The following BRCA1 variants were observed in gnomAD, a reference collection of about 807,000 sequenced individuals.
BRCA1 encodes breast cancer type 1 susceptibility protein.
A neutral mutation model predicts 173.7 loss-of-function variants in BRCA1; 140 were observed. The observed-to-expected ratio is 0.81, with a 90% CI of 0.70 to 0.93. The LOEUF is 0.93. Among genes scored for constraint, BRCA1 ranks in the 40% least tolerant of loss-of-function variants. The pLI is 0.00. For synonymous variants in BRCA1, 662 were observed against 756.0 expected (o/e 0.88, Z 2.04); for missense variants, 1,983 against 2,172.5 (o/e 0.91, Z 1.73).
chr17:43,067,231 C>G (rs2052123564), intron 16 of BRCA1: 1 of 246,120 alleles, frequency 4.1e-6, no homozygotes. Flanking sequence ...ATGCTATGCT[C>G]AACAAATATT....
intron 16 of BRCA1, among the ~76,000 whole-genome samples, chr17:43,066,235 T>C (rs1342768750): frequency 6.6e-6 from 1 of 152,204 alleles, no homozygotes. Context: ...CAAGTTATAA[T>C]TAAAACCTTA....
Position 43,100,597 on chromosome 17 carries a change from A to T in BRCA1, c.442-717T>A, listed in dbSNP as rs867314671. ...AACATATATATAACATATATATATTATATATATATAACATATATATAACAT... is the reference window on the plus strand; with the variant it reads ...AACATATATATAACATATATATATTTTATATATATAACATATATATAACAT... On this transcript the variant is annotated intron_variant, in intron 6 of 22. Coordinates refer to ENST00000357654, the MANE Select transcript of BRCA1 (RefSeq NM_007294.4). Among the ~76,000 whole-genome samples, 9 of 80,196 alleles carry T rather than the reference A, an allele frequency of 1.1e-4. 1 individual carries two copies. Among genetic ancestry groups the T allele is most frequent in the South Asian group, 4.0e-4 (1 of 2,524 alleles). 52.6% of individuals were successfully genotyped at this position (80,196 alleles called of 152,430 possible).
At chr17:43,107,615 C>T (rs2054854562) in intron 3 of BRCA1, among the ~76,000 whole-genome samples, 1 of 152,100 alleles carries the variant, frequency 6.6e-6, no homozygotes, top group South Asian at 2.1e-4. Context: ...GATCCATCTG[C>T]CTTGGCCTTC....
intron 1 of BRCA1, among the ~76,000 whole-genome samples, chr17:43,130,839 T>C (rs2055959018): frequency 6.6e-6 from 1 of 152,222 alleles, no homozygotes; most frequent in Non-Finnish European, 1.5e-5. Context: ...TTTTTTGTGC[T>C]CACACACATA....
intron 16 of BRCA1, among the ~76,000 whole-genome samples, chr17:43,064,305 G>A (rs977018310): frequency 6.6e-6 from 1 of 152,164 alleles, no homozygotes; most frequent in African/African-American, 2.4e-5. Context: ...AATGTGGACG[G>A]AGAACATCTA....
At chr17:43,103,973 G>T (rs2054600484) in intron 6 of BRCA1, 149 bp downstream of exon 6, 7 of 973,982 alleles carry the variant, frequency 7.2e-6, no homozygotes, top group Admixed American at 7.0e-5. Flanking sequence ...CTGGCATGGT[G>T]GCGCGTGCCT....
intron 15 of BRCA1, among the ~76,000 whole-genome samples, chr17:43,068,259 A>C (rs2052235579): frequency 1.3e-5 from 2 of 151,282 alleles, no homozygotes; most frequent in Admixed American, 6.6e-5. Flanking sequence ...CCTGGGCGAG[A>C]GTGCGAGACT....
chr17:43,091,188 A>G, intron 10 of BRCA1, 156 bp from the exon 11 acceptor site: 1 of 912,880 alleles, frequency 1.1e-6, no homozygotes, highest in Non-Finnish European at 1.7e-6. Flanking sequence ...TTGCTTTTAT[A>G]AAATGAAACC....
At chr17:43,099,679 C>T in intron 7 of BRCA1, 96 bp downstream of exon 7, 2 of 1,046,084 alleles carry the variant, frequency 1.9e-6, no homozygotes, top group Non-Finnish European at 3.0e-6. Flanking sequence ...AAGCTGCCTA[C>T]CACAAATACA....
chr17:43,120,100 T>C (rs1183161928), intron 2 of BRCA1, among the ~76,000 whole-genome samples: 3 of 152,208 alleles, frequency 2.0e-5, no homozygotes, highest in Non-Finnish European at 4.4e-5. Flanking sequence ...GATAAGTGAC[T>C]GGAAAAAGCA....
At chr17:43,082,700 T>C in intron 11 of BRCA1, 125 bp from the exon 12 acceptor site, 3 of 1,032,736 alleles carry the variant, frequency 2.9e-6, no homozygotes, top group Non-Finnish European at 2.9e-6. Context: ...GAACTACAAG[T>C]TCTAGCTGAA....
intron 7 of BRCA1, 24 bp downstream of exon 7, chr17:43,099,751 A>G: frequency 6.5e-7 from 1 of 1,549,064 alleles, no homozygotes; most frequent in Non-Finnish European, 8.9e-7. Flanking sequence ...ATTATTAAAT[A>G]CTTAAAAAAC....
intron 1 of BRCA1, chr17:43,164,767 T>G (rs947895610): frequency 7.2e-5 from 11 of 152,200 alleles, no homozygotes; most frequent in African/African-American, 2.7e-4. Flanking sequence ...TTTCCACCTT[T>G]CGATGAGAAT....
rs569685440 is a variant in BRCA1, at chr17:43,135,009, A to G, written c.-19-10894T>C. 3.3e-5 allele frequency among the ~76,000 whole-genome samples: 5 copies of G among 152,244 alleles called. No individual in the cohort carries two copies. The East Asian group carries it at 9.7e-4, about 29-fold the overall frequency. On this transcript the variant is annotated intron_variant, in intron 1 of 7. Coordinates refer to the BRCA1 transcript ENST00000634433. ...ATTGGCCCCAATTCCTCAGCCCTACATGCACCCACCCCTTGCCATGGTTTC... is the reference window on the plus strand; with the variant it reads ...ATTGGCCCCAATTCCTCAGCCCTACGTGCACCCACCCCTTGCCATGGTTTC...
intron 19 of BRCA1, among the ~76,000 whole-genome samples, chr17:43,055,694 G>A (rs1468706175): frequency 6.6e-6 from 1 of 152,198 alleles, no homozygotes; most frequent in Non-Finnish European, 1.5e-5. Flanking sequence ...GCTAAGGCAC[G>A]AGAATCACTT....
chr17:43,135,411 T>C (rs1486047722), intron 1 of BRCA1, among the ~76,000 whole-genome samples: 1 of 152,244 alleles, frequency 6.6e-6, no homozygotes, highest in Non-Finnish European at 1.5e-5. Flanking sequence ...ATCCAATGCA[T>C]GCACCCGCTC....
chr17:43,108,294 C>G (rs923225121), intron 3 of BRCA1, among the ~76,000 whole-genome samples: 1 of 147,744 alleles, frequency 6.8e-6, no homozygotes, highest in African/African-American at 2.5e-5. Context: ...GCCAATATTG[C>G]ACCATTGCAT....
chr17:43,123,907 A>C, intron 2 of BRCA1, 110 bp downstream of exon 2: 1 of 858,424 alleles, frequency 1.2e-6, no homozygotes, highest in Non-Finnish European at 2.0e-6. Context: ...ACAATAGCCT[A>C]ATCTTACTAG....
chr17:43,121,522 TA>T (rs2055572405), intron 2 of BRCA1, among the ~76,000 whole-genome samples: 1 of 151,244 alleles, frequency 6.6e-6, no homozygotes, highest in African/African-American at 2.4e-5. Context: ...CTGTCTCTAC[TA>T]AAAATACAAA....
Sources: gnomAD v4.1 joint callset for allele counts (sites outside exome capture counted in the v4.1 genomes callset) on GRCh38, gnomAD v4.1.1 for gene constraint, MANE v1.5 for transcripts, NCBI Gene and HGNC (gene_info 2026-07-23, HGNC 2026-07-21) for gene names.